The following CSMD1 variants were observed in gnomAD, a reference collection of about 807,000 sequenced individuals.
The protein encoded by CSMD1 is CUB and Sushi multiple domains 1, also known as CUB and sushi domain-containing protein 1.
A neutral mutation model predicts 417.5 loss-of-function variants in CSMD1; 213 were observed. The observed-to-expected ratio is 0.51, with a 90% confidence interval of 0.46 to 0.57. The LOEUF is 0.57. CSMD1 is among the 20% of genes least tolerant of loss of function. The pLI is 0.00. For missense variants in CSMD1, 6,923 were observed against 4,529.7 expected (o/e 1.53, Z -15.17); for synonymous variants, 2,862 against 1,736.8 (o/e 1.65, Z -16.11).
At chr8:3,351,736 A>G (rs375837879) in intron 21 of CSMD1, among the ~76,000 whole-genome samples, 1 of 145,202 alleles carries the variant, frequency 6.9e-6, no homozygotes. Flanking sequence ...TATATATTTA[A>G]TATGTATTAA....
intron 1 of CSMD1, among the ~76,000 whole-genome samples, chr8:4,870,931 G>A (rs910865395): frequency 2.6e-5 from 4 of 152,248 alleles, no homozygotes; most frequent in African/African-American, 7.2e-5. Context: ...ACACACTGCA[G>A]GGATGGAGCC....
chr8:3,250,555 G>C (rs746932150), intron 26 of CSMD1, among the ~76,000 whole-genome samples: 1 of 152,120 alleles, frequency 6.6e-6, no homozygotes. Context: ...ATGATTTATA[G>C]TCCTTTGTGT....
At chr8:4,286,259 C>G (rs531163646) in intron 3 of CSMD1, among the ~76,000 whole-genome samples, 1 of 152,144 alleles carries the variant, frequency 6.6e-6, no homozygotes, top group African/African-American at 2.4e-5. Flanking sequence ...CCATGCTCTC[C>G]ATGTCTCACT....
chr8:4,076,005 G>A (rs917139613), intron 3 of CSMD1, among the ~76,000 whole-genome samples: 1 of 152,130 alleles, frequency 6.6e-6, no homozygotes, highest in Non-Finnish European at 1.5e-5. Flanking sequence ...AGGGTGGAGG[G>A]GGGATATTTT....
At chr8:4,353,883 G>A (rs915567440) in intron 3 of CSMD1, among the ~76,000 whole-genome samples, 2 of 152,146 alleles carry the variant, frequency 1.3e-5, no homozygotes, top group East Asian at 1.9e-4. Flanking sequence ...AATAGTGCCA[G>A]GGAAAAGAGC....
At chr8:4,443,404 G>A (rs917547833) in intron 2 of CSMD1, among the ~76,000 whole-genome samples, 1 of 152,142 alleles carries the variant, frequency 6.6e-6, no homozygotes, top group Non-Finnish European at 1.5e-5. Context: ...ACAGTTCCAA[G>A]AAAATTGCAA....
At position 3,911,030 on chromosome 8, in the gene CSMD1, AG is replaced by A. The variant is rs370632932; in HGVS notation, c.818+86872del. On this transcript the variant is annotated intron_variant, in intron 5 of 69. Transcript: ENST00000635120. ...CTACTTATTCAGGGGCTGCCCAGCT[AG>A]CCCTCTGGGGACACTCCAGAACTCT... 3.7e-4 allele frequency among the ~76,000 whole-genome samples: 57 copies of A among 152,266 alleles called. No homozygotes were observed. In the East Asian group the frequency reaches 9.1e-3, roughly 24 times the overall value.
intron 1 of CSMD1, among the ~76,000 whole-genome samples, chr8:4,655,978 G>A (rs1804204324): frequency 1.3e-5 from 2 of 152,098 alleles, no homozygotes; most frequent in East Asian, 3.9e-4. Context: ...AGTGCAGAGG[G>A]TTGGACAATA....
At chr8:3,892,321 C>A (rs149821145) in intron 5 of CSMD1, among the ~76,000 whole-genome samples, 41 of 152,260 alleles carry the variant, frequency 2.7e-4, no homozygotes, top group Non-Finnish European at 4.1e-4. Context: ...AAAAGGGAAA[C>A]TGTCTTCAGC....
chr8:4,944,673 G>A (rs1428331047), intron 1 of CSMD1, among the ~76,000 whole-genome samples: 2 of 152,108 alleles, frequency 1.3e-5, no homozygotes, highest in Non-Finnish European at 2.9e-5. Flanking sequence ...ATCATTAGAG[G>A]AATGCAAATA....
chr8:3,675,404 T>C (rs1799321098), intron 7 of CSMD1, among the ~76,000 whole-genome samples: 1 of 152,172 alleles, frequency 6.6e-6, no homozygotes. Context: ...TCTTGTTTTG[T>C]TTGCTAATGA....
rs891934007 is a variant in CSMD1, at chr8:4,405,324, A to AT, written c.415+14628dup. Among the ~76,000 whole-genome samples, 610 of 144,062 alleles carry AT rather than the reference A, an allele frequency of 4.2e-3. 3 individuals are homozygous for AT. The highest frequency in any genetic ancestry group is 6.0e-3 in the Admixed American group (88 of 14,772). 94.5% of individuals were successfully genotyped at this position (144,062 alleles called of 152,430 possible). ...ATAACTTCCACTTAGTTTTTTTCTC[A>AT]TTTTTTTTTTCTTCTCAATTTCCTA... On this transcript the variant is annotated intron_variant, in intron 3 of 69. Transcript: ENST00000635120.
intron 1 of CSMD1, among the ~76,000 whole-genome samples, chr8:4,661,056 G>C (rs530936275): frequency 7.9e-5 from 12 of 152,182 alleles, no homozygotes; most frequent in African/African-American, 2.6e-4. Context: ...GGAAACAGTT[G>C]GCAGTTTCTT....
At chr8:4,131,901 T>C (rs1158846179) in intron 3 of CSMD1, among the ~76,000 whole-genome samples, 1 of 151,886 alleles carries the variant, frequency 6.6e-6, no homozygotes, top group Non-Finnish European at 1.5e-5. Flanking sequence ...TAGCTGGGAC[T>C]ACAGGTGCCC....
chr8:4,451,968 A>T (rs938459799), intron 2 of CSMD1, among the ~76,000 whole-genome samples: 1 of 148,880 alleles, frequency 6.7e-6, no homozygotes, highest in Non-Finnish European at 1.5e-5. Context: ...AAATATATAT[A>T]ATTTGATATA....
At chr8:4,919,692 C>A (rs1453586786) in intron 1 of CSMD1, among the ~76,000 whole-genome samples, 1 of 152,124 alleles carries the variant, frequency 6.6e-6, no homozygotes, top group Non-Finnish European at 1.5e-5. Flanking sequence ...GTGAATCTGT[C>A]CCCTCTAAAA....
At chr8:4,836,343 T>C (rs559556016) in intron 1 of CSMD1, among the ~76,000 whole-genome samples, 38 of 152,330 alleles carry the variant, frequency 2.5e-4, no homozygotes, top group Admixed American at 7.2e-4. Context: ...CCATGTCTTA[T>C]GAAGACTTCT....
chr8:3,729,960 A>AAAAAAAAAAAAAAG (rs1802740302), intron 6 of CSMD1, among the ~76,000 whole-genome samples: 1 of 11,884 alleles, frequency 8.4e-5, no homozygotes, highest in African/African-American at 1.6e-4. Flanking sequence ...AAAAAAAAAA[A>AAAAAAAAAAAAAAG]ACAAAAACAG....
chr8:2,938,770 T>C (rs1480534854), intron 69 of CSMD1, 26 bp from the exon 70 acceptor site: 4 of 1,576,708 alleles, frequency 2.5e-6, no homozygotes, highest in Non-Finnish European at 2.6e-6. Context: ...AACAAATCAT[T>C]AGAATCCTGG....
Sources: gnomAD v4.1 joint callset for allele counts (sites outside exome capture counted in the v4.1 genomes callset) on GRCh38, gnomAD v4.1.1 for gene constraint, MANE v1.5 for transcripts, NCBI Gene and HGNC (gene_info 2026-07-23, HGNC 2026-07-21) for gene names.